Variants in EPB41L1 observed in about 807,000 individuals in gnomAD.
EPB41L1 encodes band 4.1-like protein 1.
EPB41L1 carries 29 observed loss-of-function variants against 97.8 expected under a neutral mutation model. That is an observed-to-expected ratio of 0.30 (90% CI 0.22 to 0.40). The LOEUF (loss-of-function observed/expected upper bound fraction) is 0.40. Among genes scored for constraint, EPB41L1 ranks in the 10% least tolerant of loss-of-function variants. EPB41L1 has a pLI of 1.00. For synonymous variants in EPB41L1, 383 were observed against 459.2 expected (o/e 0.83, Z 2.12); for missense variants, 812 against 1,162.3 (o/e 0.70, Z 4.38).
chr20:36,128,012 T>A (rs1402852984), intron 2 of EPB41L1, among the ~76,000 whole-genome samples: 2 of 151,704 alleles, frequency 1.3e-5, no homozygotes, highest in Admixed American at 1.3e-4. Flanking sequence ...GAATGATGGG[T>A]GCTTGTGTCT....
Position 36,195,626 on chromosome 20 carries a change from C to T in EPB41L1, c.1485+262C>T, listed in dbSNP as rs1056041347. Among the ~76,000 whole-genome samples, 2 of 152,196 alleles carry T rather than the reference C, an allele frequency of 1.3e-5. No homozygotes were observed. Among genetic ancestry groups the T allele is most frequent in the African/African-American group, 4.8e-5 (2 of 41,450 alleles). On this transcript the variant is annotated intron_variant, in intron 13 of 21. Transcript: ENST00000338074. The surrounding 1 kb of genome is among the most constrained non-coding windows in gnomAD (Gnocchi z 4.6). ...TCCCTCAGCCCTCCCACCCTCTCCC[C>T]AGCTCACCCGGTCCTCCATACTTGC...
chr20:36,212,440 C>G lies in EPB41L1; in HGVS notation c.2184+64C>G. 1 of 1,402,146 alleles carries G rather than the reference C, an allele frequency of 7.1e-7. No homozygotes were observed. The highest frequency in any genetic ancestry group is 1.2e-5 in the South Asian group (1 of 85,522). 86.9% of individuals were successfully genotyped at this position (1,402,146 alleles called of 1,614,324 possible). A position where few individuals can be genotyped will look rare whatever the true frequency, so the allele number is the denominator to read the frequency against. Reference sequence around the variant, plus strand: ...TGGGCATTTGGTGGTAGGGTCCCCACTGCTGTGGCCAAACCCCTTGGCCAG... The same window carrying G: ...TGGGCATTTGGTGGTAGGGTCCCCAGTGCTGTGGCCAAACCCCTTGGCCAG... On this transcript the variant is annotated intron_variant, in intron 16 of 21. Coordinates refer to ENST00000338074, the MANE Select transcript of EPB41L1 (RefSeq NM_012156.2). This position sits in a 1 kb window ranked among gnomAD's most constrained non-coding sequence, Gnocchi z 4.8.
chr20:36,189,755 T>C (rs2061864342), intron 9 of EPB41L1, among the ~76,000 whole-genome samples: 1 of 152,214 alleles, frequency 6.6e-6, no homozygotes, highest in Admixed American at 6.5e-5. Context: ...TTATTTGTTA[T>C]TGGAGGTCCC....
At chr20:36,211,596 G>A (rs979495629) in intron 15 of EPB41L1, among the ~76,000 whole-genome samples, 1 of 152,012 alleles carries the variant, frequency 6.6e-6, no homozygotes, top group Non-Finnish European at 1.5e-5. Flanking sequence ...GCCCACACCT[G>A]TAATCCCAGC....
chr20:36,185,160 C>T lies in EPB41L1; in HGVS notation c.610C>T (p.Arg204Trp), dbSNP rs751041730. 3 of 1,612,852 alleles carry T rather than the reference C, an allele frequency of 1.9e-6. No homozygotes were observed. The highest frequency in any genetic ancestry group is 1.7e-6 in the Non-Finnish European group (2 of 1,180,030). The change falls in exon 7 of 22, where the codon CGG becomes TGG. Residue 204 changes from arginine to tryptophan, a missense_variant. Physicochemically the swap from Arg to Trp is moderately radical, Grantham distance 101. Transcript: ENST00000338074. ...LQLRADIITG[R>W]LPCSFVTHAL... ...GCTGCGGGCAGACATCATCACGGGC[C>T]GGCTGCCATGCTCCTTTGTCACGCA...
chr20:36,205,609 G>A (rs2062755921), intron 14 of EPB41L1, among the ~76,000 whole-genome samples: 2 of 152,162 alleles, frequency 1.3e-5, no homozygotes, highest in South Asian at 4.1e-4. Flanking sequence ...TTATCAAGTT[G>A]GGGGCAGTGG....
chr20:36,175,862 C>G (rs1389450002), intron 3 of EPB41L1, 147 bp downstream of exon 3: 2 of 822,504 alleles, frequency 2.4e-6, no homozygotes, highest in African/African-American at 3.4e-5. Flanking sequence ...GCTCGGAGCT[C>G]CTTTGTACAG....
intron 14 of EPB41L1, among the ~76,000 whole-genome samples, chr20:36,205,494 G>GTGGCAGT (rs1432821380): frequency 2.0e-5 from 3 of 152,156 alleles, no homozygotes; most frequent in Non-Finnish European, 4.4e-5. Flanking sequence ...CCCTCTGACG[G>GTGGCAGT]TGGCAGTTAT....
intron 1 of EPB41L1, among the ~76,000 whole-genome samples, chr20:36,161,861 A>G (rs186571259): frequency 6.6e-6 from 1 of 152,218 alleles, no homozygotes; most frequent in African/African-American, 2.4e-5. Flanking sequence ...CCCAGGCTCT[A>G]GTGATCCTCC....
At position 36,187,043 on chromosome 20, in the gene EPB41L1, T is replaced by C. The variant is rs367709215; in HGVS notation, c.786-633T>C. Among the ~76,000 whole-genome samples the C allele has an allele frequency of 3.9e-5, 6 of 152,358 alleles. No individual in the cohort carries two copies. The East Asian group carries it at 9.6e-4, about 24-fold the overall frequency. On this transcript the variant is annotated intron_variant, in intron 7 of 21. Transcript: ENST00000338074. The stretch of plus-strand genomic sequence containing the variant: ...ATGACAATAATAATAATACCTATCT[T>C]ACAGAGTTGTTATGAGGATTCAGTG...
At chr20:36,200,643 C>A (rs767537667) in intron 14 of EPB41L1, among the ~76,000 whole-genome samples, 5 of 152,146 alleles carry the variant, frequency 3.3e-5, no homozygotes, top group African/African-American at 4.8e-5. Context: ...GGCCTCCCTC[C>A]CTTAAGTGGC....
At chr20:36,096,342 T>C (rs559528315) in intron 1 of EPB41L1, among the ~76,000 whole-genome samples, 3 of 152,184 alleles carry the variant, frequency 2.0e-5, no homozygotes, top group East Asian at 1.9e-4. Context: ...ATGCAATGAC[T>C]CTTTGACAGT....
At chr20:36,216,784 C>A (rs1404522105) in intron 17 of EPB41L1, among the ~76,000 whole-genome samples, 4 of 152,050 alleles carry the variant, frequency 2.6e-5, no homozygotes, top group Non-Finnish European at 4.4e-5. Flanking sequence ...GATGCTGGTG[C>A]CCAGGCTGGG....
chr20:36,102,815 G>A (rs1185904522), intron 1 of EPB41L1, among the ~76,000 whole-genome samples: 5 of 152,132 alleles, frequency 3.3e-5, no homozygotes, highest in African/African-American at 1.2e-4. Context: ...CACCATAATT[G>A]AGCAAGGTGC....
intron 2 of EPB41L1, among the ~76,000 whole-genome samples, chr20:36,147,414 T>C (rs915498069): frequency 6.6e-6 from 1 of 152,216 alleles, no homozygotes; most frequent in African/African-American, 2.4e-5. Context: ...TAAACCTGTG[T>C]GAAGCCCAAT....
chr20:36,114,197 A>G (rs1475412684), intron 2 of EPB41L1, among the ~76,000 whole-genome samples: 1 of 152,170 alleles, frequency 6.6e-6, no homozygotes, highest in African/African-American at 2.4e-5. Flanking sequence ...CTAAGTGTCA[A>G]TTAGAATAGA....
intron 2 of EPB41L1, among the ~76,000 whole-genome samples, chr20:36,133,474 A>T (rs976754225): frequency 2.0e-5 from 3 of 152,170 alleles, no homozygotes; most frequent in Non-Finnish European, 4.4e-5. Flanking sequence ...CCATGATTCC[A>T]TGAGGAGAAA....
intron 1 of EPB41L1, among the ~76,000 whole-genome samples, chr20:36,096,689 G>T (rs1179618479): frequency 6.6e-6 from 1 of 152,230 alleles, no homozygotes; most frequent in Middle Eastern, 3.2e-3. Flanking sequence ...AGAGCTCTCT[G>T]TGTCTCACAG....
chr20:36,120,355 A>G (rs147191011), intron 2 of EPB41L1, among the ~76,000 whole-genome samples: 6 of 152,348 alleles, frequency 3.9e-5, no homozygotes, highest in Non-Finnish European at 5.9e-5. Flanking sequence ...GCTGGACTGT[A>G]GAGCACACAG....
Sources: allele counts gnomAD v4.1 joint callset (sites outside exome capture counted in the v4.1 genomes callset), GRCh38; gene constraint gnomAD v4.1.1; non-coding constraint Gnocchi (gnomAD v3.1); transcripts MANE v1.5; gene names NCBI Gene and HGNC (gene_info 2026-07-23, HGNC 2026-07-21).